Variants in BANP observed in about 807,000 individuals in gnomAD.
BANP encodes BTG3 associated nuclear protein.
A neutral mutation model predicts 68.1 loss-of-function variants in BANP; 11 were observed. The ratio of observed to expected loss-of-function variants is 0.16; its 90% CI spans 0.10 to 0.27. BANP has a LOEUF of 0.27. BANP is among the 10% of genes least tolerant of loss of function. The probability of loss-of-function intolerance (pLI) is 1.00; values close to 1 mark genes in which losing one functional copy is unlikely to be tolerated. For missense variants in BANP, 504 were observed against 722.7 expected (o/e 0.70, Z 3.47); for synonymous variants, 329 against 303.2 (o/e 1.09, Z -0.88).
chr16:88,073,371 C>T (rs533184374), intron 13 of BANP, among the ~76,000 whole-genome samples: 1 of 152,166 alleles, frequency 6.6e-6, no homozygotes, highest in African/African-American at 2.4e-5. Flanking sequence ...TCCTGCTGTG[C>T]CCATGGGCAC....
intron 11 of BANP, among the ~76,000 whole-genome samples, chr16:88,063,439 A>C (rs1189251366): frequency 6.6e-6 from 1 of 152,196 alleles, no homozygotes; most frequent in Non-Finnish European, 1.5e-5. Context: ...AAATCCACAT[A>C]TGGCAAACAT....
chr16:88,076,359 G>GGCCTGGGTGTGCCGGA (rs1390151808), intron 13 of BANP, among the ~76,000 whole-genome samples: 3 of 152,200 alleles, frequency 2.0e-5, no homozygotes, highest in South Asian at 2.1e-4. Flanking sequence ...GGCGGGCCGG[G>GGCCTGGGTGTGCCGGA]GCCTGGGTGT....
At position 88,065,724 on chromosome 16, in the gene BANP, A is replaced by C. The variant is rs563634461; in HGVS notation, c.1377+392A>C. Among the ~76,000 whole-genome samples the C allele has an allele frequency of 2.6e-5, 4 of 152,292 alleles. No homozygotes were observed. The East Asian group carries it at 7.7e-4, about 29-fold the overall frequency. Reference sequence around the variant, plus strand: ...TGGTCAACCTAGGAGGGAGGAGAGCAGGGACCGGCTCTGCTTTTGTTTTTA... The same window carrying C: ...TGGTCAACCTAGGAGGGAGGAGAGCCGGGACCGGCTCTGCTTTTGTTTTTA... On this transcript the variant is annotated intron_variant, in intron 12 of 13. Transcript: ENST00000682872.
intron 12 of BANP, among the ~76,000 whole-genome samples, chr16:88,069,719 C>T (rs2089815089): frequency 6.6e-6 from 1 of 152,238 alleles, no homozygotes; most frequent in African/African-American, 2.4e-5. Flanking sequence ...GATGTCAATG[C>T]ACGCACTTCA....
intron 11 of BANP, among the ~76,000 whole-genome samples, chr16:88,052,476 T>TA (rs2083473927): frequency 6.6e-6 from 1 of 150,586 alleles, no homozygotes; most frequent in South Asian, 2.1e-4. Flanking sequence ...TTCAAGGAGT[T>TA]AAAGTCAGGG....
chr16:87,996,382 T>C (rs1325950215), intron 4 of BANP, among the ~76,000 whole-genome samples: 1 of 152,232 alleles, frequency 6.6e-6, no homozygotes, highest in Non-Finnish European at 1.5e-5. Context: ...TCTGCTGCTC[T>C]GAAGTGCCGG....
chr16:88,057,903 G>A lies in BANP; in HGVS notation c.1312-7364G>A, dbSNP rs1165030258. ...GACAGTGCGGTGCGGGGCAGCGAGT[G>A]GCCGCCTGTGTTCCGACAAGCCAGG... is the stretch of plus-strand genomic sequence containing the variant. On this transcript the variant is annotated intron_variant, in intron 11 of 13. Coordinates refer to ENST00000682872, the MANE Select transcript of BANP (RefSeq NM_001386991.1). The surrounding 1 kb of genome is among the most constrained non-coding windows in gnomAD (Gnocchi z 4.6). 6.6e-6 allele frequency among the ~76,000 whole-genome samples: 1 copy of A among 152,168 alleles called. No homozygotes were observed. The highest frequency in any genetic ancestry group is 1.9e-4 in the East Asian group (1 of 5,186).
intron 3 of BANP, among the ~76,000 whole-genome samples, chr16:87,982,953 T>C (rs548159898): frequency 2.6e-5 from 4 of 151,802 alleles, no homozygotes; most frequent in Non-Finnish European, 5.9e-5. Flanking sequence ...CCGGCTCCAA[T>C]GTGGGCCGGC....
At position 87,999,228 on chromosome 16, in the gene BANP, A is replaced by G. The variant is rs565473590; in HGVS notation, c.363-5067A>G. Among the ~76,000 whole-genome samples the G allele has an allele frequency of 2.8e-3, 378 of 136,968 alleles. 4 individuals carry two copies. The highest frequency in any genetic ancestry group is 0.022 in the Admixed American group (301 of 13,798). The allele number at this position is 136,968 out of a possible 152,430, so 89.9% of individuals were successfully genotyped here. A position where few individuals can be genotyped will look rare whatever the true frequency, so the allele number is the denominator to read the frequency against. On this transcript the variant is annotated intron_variant, in intron 4 of 13. Transcript: ENST00000682872. ...TACCAGGCCTTCCAGACACGTCTCCATGCACGCACGTGCGCGGCTGTACTT... is the reference window on the plus strand; with the variant it reads ...TACCAGGCCTTCCAGACACGTCTCCGTGCACGCACGTGCGCGGCTGTACTT...
intron 8 of BANP, among the ~76,000 whole-genome samples, chr16:88,028,525 G>A (rs1417204388): frequency 6.6e-6 from 1 of 152,208 alleles, no homozygotes; most frequent in Non-Finnish European, 1.5e-5. Context: ...AGGATGGGAG[G>A]TGGCTGCCTG....
intron 4 of BANP, among the ~76,000 whole-genome samples, chr16:87,988,141 CAT>C (rs1347580148): frequency 5.9e-5 from 9 of 152,256 alleles, no homozygotes; most frequent in African/African-American, 9.6e-5. Context: ...TTTGTGAACA[CAT>C]ATGAATGAAT....
chr16:88,065,141 C>T (rs961143335), intron 11 of BANP, 126 bp from the exon 12 acceptor site: 11 of 539,238 alleles, frequency 2.0e-5, no homozygotes, highest in East Asian at 9.5e-5. Context: ...CCATAACAAA[C>T]GACCACAGAC....
At chr16:87,964,902 A>C (rs59102109) in intron 1 of BANP, among the ~76,000 whole-genome samples, 39,852 of 152,060 alleles carry the variant, frequency 0.26, 5,956 homozygotes, top group East Asian at 0.49. Flanking sequence ...GGGGTGGGTG[A>C]CAGGGGCTCA....
Position 88,036,392 on chromosome 16 carries a change from G to T in BANP, c.1272+998G>T, listed in dbSNP as rs1238465957. Reference sequence around the variant, plus strand: ...CTCCTGGGAGCTCATGCTGGGTGCAGGTGCTGTGGGGGAGCAGAGGAGAGA... The same window carrying T: ...CTCCTGGGAGCTCATGCTGGGTGCATGTGCTGTGGGGGAGCAGAGGAGAGA... On this transcript the variant is annotated intron_variant, in intron 10 of 13. Coordinates refer to ENST00000682872, the MANE Select transcript of BANP (RefSeq NM_001386991.1). This position sits in a 1 kb window ranked among gnomAD's most constrained non-coding sequence, Gnocchi z 4.2. 6.6e-6 allele frequency among the ~76,000 whole-genome samples: 1 copy of T among 152,210 alleles called. No homozygotes were observed. The highest frequency in any genetic ancestry group is 1.5e-5 in the Non-Finnish European group (1 of 68,034).
At chr16:88,021,952 C>G (rs1353094819) in intron 7 of BANP, among the ~76,000 whole-genome samples, 1 of 152,106 alleles carries the variant, frequency 6.6e-6, no homozygotes, top group Non-Finnish European at 1.5e-5. Flanking sequence ...GGTAAAGTCT[C>G]TAAGTACCAC....
chr16:87,998,493 G>A (rs907366200), intron 4 of BANP, among the ~76,000 whole-genome samples: 1 of 152,212 alleles, frequency 6.6e-6, no homozygotes, highest in Admixed American at 6.5e-5. Flanking sequence ...AGGTGCTGCC[G>A]ACCCGGCTCC....
intron 11 of BANP, among the ~76,000 whole-genome samples, chr16:88,061,045 G>A (rs902615488): frequency 3.3e-5 from 5 of 152,170 alleles, no homozygotes; most frequent in Non-Finnish European, 7.3e-5. Flanking sequence ...TGGAAGGGGG[G>A]GTGGGCGGCA....
At chr16:87,959,434 G>A (rs2058696970) in intron 1 of BANP, among the ~76,000 whole-genome samples, 1 of 152,242 alleles carries the variant, frequency 6.6e-6, no homozygotes, top group Admixed American at 6.5e-5. Flanking sequence ...ACGAGGTTGT[G>A]TAGAGAGGCA....
chr16:87,967,462 G>C (rs913436812), intron 1 of BANP, among the ~76,000 whole-genome samples: 1 of 151,464 alleles, frequency 6.6e-6, no homozygotes, highest in Non-Finnish European at 1.5e-5. Flanking sequence ...TTTGGTTTTT[G>C]ATTTGTTTTT....
Sources: gnomAD v4.1 joint callset for allele counts (sites outside exome capture counted in the v4.1 genomes callset) on GRCh38, gnomAD v4.1.1 for gene constraint, Gnocchi (gnomAD v3.1) non-coding constraint, MANE v1.5 for transcripts, NCBI Gene and HGNC (gene_info 2026-07-23, HGNC 2026-07-21) for gene names.